The following TBXAS1 variants were observed in gnomAD, a reference collection of about 807,000 sequenced individuals.
The protein encoded by TBXAS1 is thromboxane A synthase 1.
TBXAS1 carries 48 observed loss-of-function variants against 60.7 expected under a neutral mutation model. The observed-to-expected ratio is 0.79, with a 90% CI of 0.63 to 1.01. TBXAS1 has a LOEUF of 1.01. Ranked by LOEUF, TBXAS1 falls within the 50% of genes least tolerant of loss-of-function variation. The probability of loss-of-function intolerance (pLI) is 0.00; values close to 1 mark genes in which losing one functional copy is unlikely to be tolerated. For synonymous variants in TBXAS1, 287 were observed against 269.7 expected (o/e 1.06, Z -0.63); for missense variants, 685 against 686.3 (o/e 1.00, Z 0.02).
At chr7:139,958,278 T>C (rs1453701430) in intron 8 of TBXAS1, among the ~76,000 whole-genome samples, 1 of 152,188 alleles carries the variant, frequency 6.6e-6, no homozygotes, top group Non-Finnish European at 1.5e-5. Context: ...GAGGGCCCCC[T>C]GGACTCCTTG....
chr7:140,018,347 C>G (rs2240395), intron 12 of TBXAS1, among the ~76,000 whole-genome samples: 62,845 of 151,908 alleles, frequency 0.41, 13,515 homozygotes, highest in East Asian at 0.55. Context: ...GCTCCTTGAA[C>G]GGTACCCCCA....
intron 4 of TBXAS1, among the ~76,000 whole-genome samples, chr7:139,819,045 T>C (rs1021727052): frequency 6.6e-6 from 1 of 152,230 alleles, no homozygotes; most frequent in South Asian, 2.1e-4. Context: ...TTGTTTCCTA[T>C]ACAGGAATTG....
At chr7:139,860,394 A>AT (rs1416979731) in intron 1 of TBXAS1, among the ~76,000 whole-genome samples, 1 of 152,222 alleles carries the variant, frequency 6.6e-6, no homozygotes, top group Non-Finnish European at 1.5e-5. Flanking sequence ...CAGGATCTAC[A>AT]TACACTATAA....
At chr7:139,907,017 T>C (rs1459272821) in intron 3 of TBXAS1, among the ~76,000 whole-genome samples, 1 of 152,210 alleles carries the variant, frequency 6.6e-6, no homozygotes, top group African/African-American at 2.4e-5. Context: ...TTTCAGTCTA[T>C]ATGCTTTTCA....
chr7:139,902,166 T>G (rs1217587807), intron 3 of TBXAS1, among the ~76,000 whole-genome samples: 9 of 151,678 alleles, frequency 5.9e-5, no homozygotes, highest in Non-Finnish European at 1.5e-5. Flanking sequence ...CTATGCAGTT[T>G]TATCACCTTT....
At chr7:139,920,053 G>GT (rs1346713670) in intron 4 of TBXAS1, among the ~76,000 whole-genome samples, 3 of 152,154 alleles carry the variant, frequency 2.0e-5, no homozygotes, top group Non-Finnish European at 4.4e-5. Context: ...TAAACATAAA[G>GT]TGCAGCAAAC....
chr7:139,949,192 C>A lies in TBXAS1; in HGVS notation c.451-4176C>A, dbSNP rs760857984. On this transcript the variant is annotated intron_variant, in intron 5 of 12. Transcript: ENST00000448866. ...GTTTGGATTCAGAATGGGTGGCCCCCTCTTTATACACAGGGCATGCCTCTG... is the reference window on the plus strand; with the variant it reads ...GTTTGGATTCAGAATGGGTGGCCCCATCTTTATACACAGGGCATGCCTCTG... Among the ~76,000 whole-genome samples, 3 of 152,182 alleles carry A rather than the reference C, an allele frequency of 2.0e-5. No homozygotes were observed. The South Asian group carries it at 6.2e-4, about 32-fold the overall frequency.
intron 3 of TBXAS1, among the ~76,000 whole-genome samples, chr7:139,786,076 TG>T (rs1204103317): frequency 6.7e-6 from 1 of 150,112 alleles, no homozygotes; most frequent in Non-Finnish European, 1.5e-5. Context: ...GTTTGTTTTT[TG>T]TTTTTTTAAT....
intron 1 of TBXAS1, among the ~76,000 whole-genome samples, chr7:139,868,202 C>T (rs563518099): frequency 6.6e-6 from 1 of 152,318 alleles, no homozygotes; most frequent in African/African-American, 2.4e-5. Context: ...ACATGGTGAT[C>T]GTCTGATCAT....
rs1331998348 is a variant in TBXAS1, at chr7:139,957,692, C to T, written c.747C>T (p.Asp249=). 3.7e-6 allele frequency: 6 copies of T among 1,614,098 alleles called. No homozygotes were observed. The highest frequency in any genetic ancestry group is 1.1e-5 in the South Asian group (1 of 91,070). Residue 249 remains aspartate (D), a synonymous_variant, in exon 8 of 13, where the codon GAC becomes GAT. Coordinates refer to ENST00000448866, the MANE Select transcript of TBXAS1 (RefSeq NM_001061.7). Reference sequence around the variant, plus strand: ...GGATTTTGCCCAATAAGAACCGAGACGAACTGAATGGCTTTTTTAACAAAC... The same window carrying T: ...GGATTTTGCCCAATAAGAACCGAGATGAACTGAATGGCTTTTTTAACAAAC... ...LARILPNKNR[D]ELNGFFNKLI... is the part of the protein sequence containing the mutation.
At chr7:139,906,548 C>G (rs1805095671) in intron 3 of TBXAS1, among the ~76,000 whole-genome samples, 1 of 152,094 alleles carries the variant, frequency 6.6e-6, no homozygotes, top group Non-Finnish European at 1.5e-5. Context: ...TTTGGGATCT[C>G]GTAGACTGAT....
chr7:139,786,382 G>A (rs1406999462), intron 3 of TBXAS1, among the ~76,000 whole-genome samples: 1 of 152,066 alleles, frequency 6.6e-6, no homozygotes, highest in Admixed American at 6.6e-5. Context: ...AGACAGCTTT[G>A]AACCGTTCTG....
intron 4 of TBXAS1, among the ~76,000 whole-genome samples, chr7:139,817,232 C>T (rs950771593): frequency 6.6e-6 from 1 of 151,656 alleles, no homozygotes; most frequent in Non-Finnish European, 1.5e-5. Context: ...CATCAGCTGT[C>T]TTTCTCGACA....
At chr7:139,799,156 C>A (rs1418242556) in intron 4 of TBXAS1, among the ~76,000 whole-genome samples, 1 of 149,696 alleles carries the variant, frequency 6.7e-6, no homozygotes, top group Non-Finnish European at 1.5e-5. Context: ...GCAGCTTCCA[C>A]TTCCTGGGCT....
intron 3 of TBXAS1, among the ~76,000 whole-genome samples, chr7:139,882,965 T>C (rs542091505): frequency 4.6e-5 from 7 of 152,178 alleles, no homozygotes; most frequent in Non-Finnish European, 7.3e-5. Flanking sequence ...TTTTAAATGA[T>C]TGGAATTCAC....
chr7:139,904,995 C>CTCTCTT (rs1569511356), intron 3 of TBXAS1, among the ~76,000 whole-genome samples: 1 of 127,960 alleles, frequency 7.8e-6, no homozygotes, highest in Non-Finnish European at 1.6e-5. Context: ...TTCTCTCTTT[C>CTCTCTT]TCTCTTTCTC....
chr7:139,914,186 T>A (rs1249027024), intron 4 of TBXAS1, among the ~76,000 whole-genome samples: 1 of 151,602 alleles, frequency 6.6e-6, no homozygotes, highest in African/African-American at 2.4e-5. Context: ...TGTGCCACCA[T>A]GCCTGGCTAA....
intron 1 of TBXAS1, among the ~76,000 whole-genome samples, chr7:139,871,691 C>G (rs909941482): frequency 1.3e-5 from 2 of 152,116 alleles, no homozygotes; most frequent in African/African-American, 2.4e-5. Context: ...GGTGATAGGT[C>G]TTCTCCTCAT....
chr7:139,965,638 A>G (rs1810727581), intron 9 of TBXAS1, among the ~76,000 whole-genome samples: 2 of 152,100 alleles, frequency 1.3e-5, no homozygotes, highest in South Asian at 4.2e-4. Flanking sequence ...CCCTCTTCCA[A>G]GAAAAAAAAT....
Sources: gnomAD v4.1 joint callset for allele counts (sites outside exome capture counted in the v4.1 genomes callset) on GRCh38, gnomAD v4.1.1 for gene constraint, MANE v1.5 for transcripts, NCBI Gene and HGNC (gene_info 2026-07-23, HGNC 2026-07-21) for gene names.